The following ERBB4 variants were observed in gnomAD, a reference collection of about 807,000 sequenced individuals.
ERBB4 encodes receptor tyrosine-protein kinase erbB-4.
In ERBB4, 42 loss-of-function variants were observed where a neutral mutation model predicts 158.0. That is an observed-to-expected ratio of 0.27 (90% confidence interval 0.21 to 0.34). The LOEUF is 0.34. Ranked by LOEUF, ERBB4 falls within the 10% of genes least tolerant of loss-of-function variation. The pLI is 1.00. For synonymous variants in ERBB4, 583 were observed against 558.7 expected (o/e 1.04, Z -0.61); for missense variants, 1,333 against 1,624.1 (o/e 0.82, Z 3.08).
chr2:211,937,952 C>T (rs2080374586), intron 3 of ERBB4, among the ~76,000 whole-genome samples: 1 of 152,062 alleles, frequency 6.6e-6, no homozygotes. Context: ...ATTTATCTGA[C>T]CAACAGAAAA....
chr2:212,080,566 C>A (rs907227567), intron 2 of ERBB4, among the ~76,000 whole-genome samples: 1 of 150,148 alleles, frequency 6.7e-6, no homozygotes, highest in African/African-American at 2.5e-5. Context: ...TTTTTAAAGA[C>A]CATAGCCTCA....
intron 20 of ERBB4, among the ~76,000 whole-genome samples, chr2:211,467,199 A>G (rs919359275): frequency 6.6e-6 from 1 of 152,114 alleles, no homozygotes; most frequent in Non-Finnish European, 1.5e-5. Context: ...AGTGCCAACA[A>G]TTCTGGGAAA....
chr2:212,506,651 C>A (rs1032761650), intron 1 of ERBB4, among the ~76,000 whole-genome samples: 3 of 152,116 alleles, frequency 2.0e-5, no homozygotes, highest in Non-Finnish European at 4.4e-5. Flanking sequence ...CAGAGAAAGG[C>A]CCCAAGCCTC....
At chr2:211,928,477 C>T (rs2080080102) in intron 3 of ERBB4, among the ~76,000 whole-genome samples, 1 of 152,178 alleles carries the variant, frequency 6.6e-6, no homozygotes, top group South Asian at 2.1e-4. Flanking sequence ...AGGGCTCGGA[C>T]TTCTTAAACC....
chr2:211,759,773 T>A (rs911947711), intron 4 of ERBB4, among the ~76,000 whole-genome samples: 1 of 151,728 alleles, frequency 6.6e-6, no homozygotes, highest in East Asian at 1.9e-4. Context: ...AAAAAATTCA[T>A]AACCTTGAAT....
At chr2:212,295,216 C>T (rs947162369) in intron 1 of ERBB4, among the ~76,000 whole-genome samples, 3 of 152,156 alleles carry the variant, frequency 2.0e-5, no homozygotes, top group East Asian at 3.9e-4. Flanking sequence ...TTGCTATTTA[C>T]ATAATAGAAC....
At chr2:211,465,025 C>A (rs976769344) in intron 20 of ERBB4, among the ~76,000 whole-genome samples, 1 of 148,248 alleles carries the variant, frequency 6.7e-6, no homozygotes, top group African/African-American at 2.5e-5. Flanking sequence ...GCTACCCAGG[C>A]TGCTGGAGTG....
chr2:212,156,499 A>G (rs1455310158), intron 1 of ERBB4, among the ~76,000 whole-genome samples: 1 of 152,274 alleles, frequency 6.6e-6, no homozygotes, highest in African/African-American at 2.4e-5. Flanking sequence ...GCGGGGAAGC[A>G]CGCATACCCA....
chr2:211,443,862 A>G (rs1325879917), intron 20 of ERBB4, among the ~76,000 whole-genome samples: 1 of 152,112 alleles, frequency 6.6e-6, no homozygotes, highest in African/African-American at 2.4e-5. Flanking sequence ...AGAACAGTTA[A>G]GAGTAAAACT....
rs532473773 is a variant in ERBB4 at position 212,429,571 on chromosome 2, G to A, written c.82+108878C>T. Among the ~76,000 whole-genome samples, 19 of 152,184 alleles carry A rather than the reference G, an allele frequency of 1.2e-4. 1 individual carries two copies. The South Asian group carries it at 3.7e-3, about 30-fold the overall frequency. Reference sequence around the variant, plus strand: ...ACATTTACTAAGTTCTTATGCCCACGGATTATGCTAAGCACTTTATATAAA... The same window carrying A: ...ACATTTACTAAGTTCTTATGCCCACAGATTATGCTAAGCACTTTATATAAA... On this transcript the variant is annotated intron_variant, in intron 1 of 27. Transcript: ENST00000342788.
At chr2:211,507,195 G>A (rs1372159567) in intron 20 of ERBB4, among the ~76,000 whole-genome samples, 1 of 151,966 alleles carries the variant, frequency 6.6e-6, no homozygotes, top group Non-Finnish European at 1.5e-5. Context: ...AACAATAAGT[G>A]ATGAAACTAA....
At chr2:212,432,048 G>C (rs374384733) in intron 1 of ERBB4, among the ~76,000 whole-genome samples, 1 of 152,210 alleles carries the variant, frequency 6.6e-6, no homozygotes, top group South Asian at 2.1e-4. Flanking sequence ...CCAATGATTA[G>C]AGCATGTATT....
At chr2:212,328,565 T>A (rs1254260396) in intron 1 of ERBB4, among the ~76,000 whole-genome samples, 1 of 152,010 alleles carries the variant, frequency 6.6e-6, no homozygotes, top group Non-Finnish European at 1.5e-5. Flanking sequence ...ATTATAATAA[T>A]CACCATTAAC....
intron 1 of ERBB4, among the ~76,000 whole-genome samples, chr2:212,462,013 T>C (rs562435394): frequency 6.6e-6 from 1 of 152,224 alleles, no homozygotes; most frequent in Admixed American, 6.5e-5. Context: ...TAAACTTCTT[T>C]CTTTTTCAAA....
intron 19 of ERBB4, among the ~76,000 whole-genome samples, chr2:211,611,624 A>AT (rs986814421): frequency 1.3e-5 from 2 of 152,076 alleles, no homozygotes; most frequent in African/African-American, 4.8e-5. Context: ...TCATTTATTT[A>AT]TTTTTGCCAA....
At position 212,045,867 on chromosome 2, in the gene ERBB4, A is replaced by AAT. The variant is rs199755227; in HGVS notation, c.234+78883_234+78884dup. On this transcript the variant is annotated intron_variant, in intron 2 of 27. Coordinates refer to ENST00000342788, the MANE Select transcript of ERBB4 (RefSeq NM_005235.3). ...GATGCTTCATTTACAAATGACCAGT[A>AAT]ATATATATATCCTTGGCAGAGATGA... Among the ~76,000 whole-genome samples, 1,276 of 152,272 alleles carry AAT rather than the reference A, an allele frequency of 8.4e-3. 6 individuals are homozygous for AAT. Among genetic ancestry groups the AAT allele is most frequent in the Non-Finnish European group, 0.013 (880 of 68,004 alleles).
intron 3 of ERBB4, among the ~76,000 whole-genome samples, chr2:211,925,469 C>T (rs906886565): frequency 6.8e-6 from 1 of 146,020 alleles, no homozygotes; most frequent in African/African-American, 2.6e-5. Context: ...GCAACCTCTG[C>T]CTTCCGGGTT....
intron 1 of ERBB4, among the ~76,000 whole-genome samples, chr2:212,454,721 A>G (rs971983937): frequency 6.6e-6 from 1 of 152,236 alleles, no homozygotes; most frequent in Non-Finnish European, 1.5e-5. Flanking sequence ...AAGAGCAGCA[A>G]ATAGGACCAA....
intron 1 of ERBB4, among the ~76,000 whole-genome samples, chr2:212,212,759 C>T (rs2082978115): frequency 2.6e-5 from 4 of 151,874 alleles, no homozygotes; most frequent in Non-Finnish European, 4.4e-5. Flanking sequence ...TCAGACATAA[C>T]ACCACACATC....
Sources: allele counts gnomAD v4.1 joint callset (sites outside exome capture counted in the v4.1 genomes callset), GRCh38; gene constraint gnomAD v4.1.1; transcripts MANE v1.5; gene names NCBI Gene and HGNC (gene_info 2026-07-23, HGNC 2026-07-21).